MINDY4: variants seen among roughly 807,000 people sequenced by gnomAD.
MINDY4 encodes the protein MINDY lysine 48 deubiquitinase 4.
A neutral mutation model predicts 87.0 loss-of-function variants in MINDY4; 68 were observed. The observed-to-expected ratio is 0.78, with a 90% CI of 0.64 to 0.96. The LOEUF (loss-of-function observed/expected upper bound fraction) is 0.96. MINDY4 is among the 40% of genes least tolerant of loss of function. The pLI is 0.00. For synonymous variants in MINDY4, 379 were observed against 363.2 expected (o/e 1.04, Z -0.50); for missense variants, 919 against 928.2 (o/e 0.99, Z 0.13).
chr7:30,852,767 A>AAT (rs1789452645), intron 11 of MINDY4, among the ~76,000 whole-genome samples: 1 of 152,226 alleles, frequency 6.6e-6, no homozygotes, highest in Non-Finnish European at 1.5e-5. Context: ...TATTTTGTAA[A>AAT]ATATAAGAGC....
rs933110223 is a variant in MINDY4, at chr7:30,775,563, T to A, written c.64-2869T>A. ...TATATAGGAATGTTTGATTAAATCATTGACCATTGGTGGTTAGCTCAATCT... is the reference window on the plus strand; with the variant it reads ...TATATAGGAATGTTTGATTAAATCAATGACCATTGGTGGTTAGCTCAATCT... On this transcript the variant is annotated intron_variant, in intron 1 of 17. Transcript: ENST00000265299. 5.3e-5 allele frequency among the ~76,000 whole-genome samples: 8 copies of A among 152,338 alleles called. No individual in the cohort carries two copies. In the East Asian group the frequency reaches 1.5e-3, roughly 29 times the overall value.
chr7:30,836,295 G>T (rs1326577483), intron 6 of MINDY4, among the ~76,000 whole-genome samples: 17 of 152,226 alleles, frequency 1.1e-4, no homozygotes, highest in Admixed American at 1.1e-3. Flanking sequence ...TGTAAGAAAT[G>T]TGTCTGAGCT....
intron 3 of MINDY4, among the ~76,000 whole-genome samples, chr7:30,785,390 G>C (rs996598531): frequency 6.6e-6 from 1 of 152,056 alleles, no homozygotes; most frequent in African/African-American, 2.4e-5. Flanking sequence ...AGTGGTGTGC[G>C]GCAAGGCTGG....
At chr7:30,821,601 G>C (rs1361701805) in intron 5 of MINDY4, among the ~76,000 whole-genome samples, 1 of 152,144 alleles carries the variant, frequency 6.6e-6, no homozygotes, top group Non-Finnish European at 1.5e-5. Flanking sequence ...GTTTCTATGA[G>C]AATGCATGTC....
At chr7:30,851,834 G>C (rs1562554055) in intron 10 of MINDY4, among the ~76,000 whole-genome samples, 1 of 152,224 alleles carries the variant, frequency 6.6e-6, no homozygotes, top group Non-Finnish European at 1.5e-5. Flanking sequence ...CCTCGGAGAG[G>C]ATGGAGGTGG....
At chr7:30,778,289 T>A in intron 1 of MINDY4, 143 bp from the exon 2 acceptor site, 1 of 1,074,968 alleles carries the variant, frequency 9.3e-7, no homozygotes, top group Non-Finnish European at 1.3e-6. Context: ...CAGAATAATA[T>A]TAATTATTGC....
At chr7:30,860,499 G>C (rs924802632) in intron 13 of MINDY4, among the ~76,000 whole-genome samples, 1 of 152,160 alleles carries the variant, frequency 6.6e-6, no homozygotes, top group African/African-American at 2.4e-5. Flanking sequence ...CCAGGACTGG[G>C]TTTGCTCCTG....
intron 13 of MINDY4, among the ~76,000 whole-genome samples, chr7:30,863,054 AC>A (rs926806027): frequency 2.0e-5 from 3 of 151,292 alleles, no homozygotes; most frequent in African/African-American, 7.3e-5. Context: ...TGTCCCTGAG[AC>A]CCCCCTTTGG....
intron 17 of MINDY4, among the ~76,000 whole-genome samples, chr7:30,891,710 A>G (rs1449474652): frequency 6.6e-6 from 1 of 152,194 alleles, no homozygotes; most frequent in Non-Finnish European, 1.5e-5. Context: ...AGGTTGTGGC[A>G]CAAAAGAATG....
At position 30,814,881 on chromosome 7, in the gene MINDY4, G is replaced by A. The variant is rs543173911; in HGVS notation, c.1074-13798G>A. Among the ~76,000 whole-genome samples, 39 of 152,312 alleles carry A rather than the reference G, an allele frequency of 2.6e-4. 1 individual carries two copies. The South Asian group carries it at 7.9e-3, about 31-fold the overall frequency. On this transcript the variant is annotated intron_variant, in intron 5 of 17. Transcript: ENST00000265299. ...CAGTCAGAGCTGTTTCGAACATGTG[G>A]CTCACAGCTCTTATATAAATGCTTA...
At chr7:30,841,523 CGAGGCCTTCTT>C (rs1302104358) in intron 9 of MINDY4, among the ~76,000 whole-genome samples, 2 of 152,150 alleles carry the variant, frequency 1.3e-5, no homozygotes, top group Non-Finnish European at 2.9e-5. Context: ...GGGCTGGAGG[CGAGGCCTTCTT>C]GAGGAAGTGA....
In MINDY4 at chr7:30,791,345, A is replaced by G. The variant is rs1238982324; in HGVS notation, c.844A>G (p.Arg282Gly). The G allele has an allele frequency of 1.2e-6, 2 of 1,614,132 alleles. No individual in the cohort carries two copies. The highest frequency in any genetic ancestry group is 2.7e-5 in the African/African-American group (2 of 75,040). ...TCAGCTTAGTGAACTGACCGTAGAA[A>G]GGCAGAAAACCACTGCCAGCAGCCC... ...LGQLSELTVE[R>G]QKTTASSPPH... The change falls in exon 5 of 18, where the codon AGG becomes GGG. Residue 282 changes from arginine (R) to glycine (G), a missense_variant. Coordinates refer to ENST00000265299, the MANE Select transcript of MINDY4 (RefSeq NM_032222.3).
intron 13 of MINDY4, among the ~76,000 whole-genome samples, chr7:30,863,126 C>G (rs1789819690): frequency 6.6e-6 from 1 of 152,182 alleles, no homozygotes; most frequent in South Asian, 2.1e-4. Flanking sequence ...CGCCGAGGGC[C>G]TTCCTGTTCT....
chr7:30,890,141 C>T (rs151031754), intron 17 of MINDY4, among the ~76,000 whole-genome samples: 3 of 152,356 alleles, frequency 2.0e-5, no homozygotes, highest in African/African-American at 7.2e-5. Context: ...ACAGTTGCCC[C>T]AAACAGTGTA....
At position 30,774,624 on chromosome 7, in the gene MINDY4, A is replaced by G. The variant is rs146889300; in HGVS notation, c.63+3068A>G. On this transcript the variant is annotated intron_variant, in intron 1 of 17. Coordinates refer to ENST00000265299, the MANE Select transcript of MINDY4 (RefSeq NM_032222.3). ...CTTTTGTCCCCATCATTCCATGGAAATAGCTCTTCTTAGGGCCATTATTAA... is the reference window on the plus strand; with the variant it reads ...CTTTTGTCCCCATCATTCCATGGAAGTAGCTCTTCTTAGGGCCATTATTAA... Among the ~76,000 whole-genome samples the G allele has an allele frequency of 1.9e-4, 29 of 151,328 alleles. 1 individual carries two copies. Among genetic ancestry groups the G allele is most frequent in the African/African-American group, 7.1e-4 (29 of 40,718 alleles).
intron 13 of MINDY4, among the ~76,000 whole-genome samples, chr7:30,870,649 T>G (rs1790074482): frequency 6.6e-6 from 1 of 152,230 alleles, no homozygotes; most frequent in Non-Finnish European, 1.5e-5. Flanking sequence ...GGAGCTGGAA[T>G]TGCTAAACTT....
At chr7:30,815,288 C>T (rs927074814) in intron 5 of MINDY4, among the ~76,000 whole-genome samples, 2 of 152,230 alleles carry the variant, frequency 1.3e-5, no homozygotes, top group Non-Finnish European at 2.9e-5. Flanking sequence ...TAGAGGCAAT[C>T]CTTTCCATCC....
intron 12 of MINDY4, among the ~76,000 whole-genome samples, chr7:30,856,718 G>C (rs568453169): frequency 1.3e-5 from 2 of 151,880 alleles, no homozygotes; most frequent in Non-Finnish European, 2.9e-5. Flanking sequence ...ACTGTCCAAG[G>C]GGAGATGGAA....
intron 6 of MINDY4, among the ~76,000 whole-genome samples, chr7:30,834,707 C>T (rs1788806626): frequency 1.3e-5 from 2 of 152,146 alleles, no homozygotes; most frequent in African/African-American, 2.4e-5. Context: ...CCTTATAAAA[C>T]TGGATGCCTT....
Sources: allele counts gnomAD v4.1 joint callset (sites outside exome capture counted in the v4.1 genomes callset), GRCh38; gene constraint gnomAD v4.1.1; transcripts MANE v1.5; gene names NCBI Gene and HGNC (gene_info 2026-07-23, HGNC 2026-07-21).